ENPP3: variants seen among roughly 807,000 people sequenced by gnomAD.
ENPP3 encodes ectonucleotide pyrophosphatase/phosphodiesterase family member 3.
In ENPP3, 104 loss-of-function variants were observed where a neutral mutation model predicts 117.8. That is an observed-to-expected ratio of 0.88 (90% CI 0.75 to 1.04). The LOEUF is 1.04. Among genes scored for constraint, ENPP3 ranks in the 50% least tolerant of loss-of-function variants. ENPP3 has a pLI of 0.00. For missense variants in ENPP3, 1,026 were observed against 1,051.9 expected, an observed-to-expected ratio of 0.98 and a Z score of 0.34; for synonymous variants, 380 against 349.9, an observed-to-expected ratio of 1.09 and a Z score of -0.96.
intron 16 of ENPP3, among the ~76,000 whole-genome samples, chr6:131,719,632 A>G (rs1779972712): frequency 6.6e-6 from 1 of 152,164 alleles, no homozygotes; most frequent in Non-Finnish European, 1.5e-5. Flanking sequence ...TCATTGTCTT[A>G]ATATATGTAT....
intron 3 of ENPP3, among the ~76,000 whole-genome samples, chr6:131,652,125 T>A (rs1778276233): frequency 6.6e-6 from 1 of 152,252 alleles, no homozygotes; most frequent in East Asian, 1.9e-4. Flanking sequence ...CTCAAAGACA[T>A]GACTGTGCTC....
intron 6 of ENPP3, among the ~76,000 whole-genome samples, chr6:131,667,763 C>G (rs1778648431): frequency 6.6e-6 from 1 of 152,200 alleles, no homozygotes; most frequent in Non-Finnish European, 1.5e-5. Flanking sequence ...TTCTGGGTTT[C>G]TCACAAAGGG....
chr6:131,727,387 C>G (rs1780176266), intron 20 of ENPP3, among the ~76,000 whole-genome samples: 1 of 151,994 alleles, frequency 6.6e-6, no homozygotes, highest in Non-Finnish European at 1.5e-5. Context: ...GAAACCTCAT[C>G]TCTACTAAAA....
At chr6:131,724,237 A>AAAAAAAAAAAAAC in intron 19 of ENPP3, 146 bp downstream of exon 19, 1 of 610,956 alleles carries the variant, frequency 1.6e-6, no homozygotes, top group East Asian at 2.8e-5. Context: ...AAAAAAAAAA[A>AAAAAAAAAAAAAC]AACTCACAAC....
At chr6:131,675,449 A>T (rs1778846426) in intron 9 of ENPP3, 1 of 355,016 alleles carries the variant, frequency 2.8e-6, no homozygotes, top group Non-Finnish European at 5.2e-6. Context: ...TCTTGCCTGT[A>T]TTAACTGCAG....
chr6:131,736,431 G>A (rs1054544949), intron 21 of ENPP3, among the ~76,000 whole-genome samples: 3 of 152,190 alleles, frequency 2.0e-5, no homozygotes, highest in South Asian at 2.1e-4. Context: ...AAGAGACAGC[G>A]TGTGCAGGGG....
chr6:131,720,530 C>T (rs986022167), intron 17 of ENPP3, 151 bp downstream of exon 17: 5 of 494,336 alleles, frequency 1.0e-5, no homozygotes, highest in Non-Finnish European at 1.4e-5. Context: ...ATTCATTATT[C>T]AGAATTATTC....
chr6:131,692,236 G>A (rs1779296458), intron 14 of ENPP3, among the ~76,000 whole-genome samples: 1 of 151,900 alleles, frequency 6.6e-6, no homozygotes, highest in Non-Finnish European at 1.5e-5. Context: ...TGGTCATGAG[G>A]GAAAGTTCCT....
At chr6:131,727,890 G>A (rs1008500269) in intron 20 of ENPP3, among the ~76,000 whole-genome samples, 4 of 152,146 alleles carry the variant, frequency 2.6e-5, no homozygotes, top group Admixed American at 2.0e-4. Context: ...TTATGGAAAG[G>A]AAATAATTGA....
At chr6:131,682,983 C>G in intron 11 of ENPP3, 71 bp from the exon 12 acceptor site, 1 of 934,182 alleles carries the variant, frequency 1.1e-6, no homozygotes. Context: ...TTAATTTTTA[C>G]TTCATTAGAT....
In ENPP3 at chr6:131,725,054, C is replaced by CAA. The variant is rs34304450; in HGVS notation, c.1799-974_1799-973dup. Among the ~76,000 whole-genome samples the CAA allele has an allele frequency of 6.9e-5, 6 of 87,426 alleles. No individual in the cohort carries two copies. The East Asian group carries it at 8.4e-4, about 12-fold the overall frequency. The allele number at this position is 87,426 out of a possible 152,430, so 57.4% of individuals were successfully genotyped here. A position where few individuals can be genotyped will look rare whatever the true frequency, so the allele number is the denominator to read the frequency against. On this transcript the variant is annotated intron_variant, in intron 19 of 24. Coordinates refer to ENST00000357639, the MANE Select transcript of ENPP3 (RefSeq NM_005021.5). ...TGAAACCCCGTCTCTACTAAAAATA[C>CAA]AAAAAAAAAAAAAAAAAAATTAGTT...
chr6:131,671,853 A>G (rs894713977), intron 7 of ENPP3, among the ~76,000 whole-genome samples: 2 of 152,226 alleles, frequency 1.3e-5, no homozygotes, highest in Admixed American at 1.3e-4. Context: ...TGTAGGTAGA[A>G]TGATTAAAAT....
chr6:131,676,605 CT>C, intron 9 of ENPP3, 130 bp from the exon 10 acceptor site: 1 of 617,912 alleles, frequency 1.6e-6, no homozygotes, highest in Non-Finnish European at 2.9e-6. Flanking sequence ...TACTGAATAC[CT>C]TCCAGTATTG....
chr6:131,709,643 C>T (rs1303891694), intron 15 of ENPP3: 23 of 1,611,808 alleles, frequency 1.4e-5, no homozygotes, highest in East Asian at 2.2e-5. Context: ...CCTCTTTTCT[C>T]GTAGGAAATA....
rs891454014 is a variant in ENPP3, at chr6:131,741,033, T to TAC, written c.2457+667_2457+668dup. Among the ~76,000 whole-genome samples, 17 of 151,620 alleles carry TAC rather than the reference T, an allele frequency of 1.1e-4. No homozygotes were observed. In the East Asian group the frequency reaches 2.1e-3, roughly 19 times the overall value. ...GAACCATGAGGTGTGAAATTGATTA[T>TAC]ACACACACACACACAAACACACACA... is the stretch of plus-strand genomic sequence containing the variant. On this transcript the variant is annotated intron_variant, in intron 24 of 24. Transcript: ENST00000357639.
intron 14 of ENPP3, among the ~76,000 whole-genome samples, chr6:131,692,992 A>G (rs1779318677): frequency 7.0e-6 from 1 of 143,128 alleles, no homozygotes; most frequent in Non-Finnish European, 1.5e-5. Flanking sequence ...ACAACTATAT[A>G]TGATACAGTT....
At chr6:131,666,910 C>A (rs1778628452) in intron 6 of ENPP3, among the ~76,000 whole-genome samples, 1 of 152,168 alleles carries the variant, frequency 6.6e-6, no homozygotes, top group Admixed American at 6.5e-5. Flanking sequence ...GCCCCTTAAA[C>A]CTTCATGCTA....
chr6:131,683,617 C>A (rs565062227), intron 12 of ENPP3, among the ~76,000 whole-genome samples: 1 of 152,044 alleles, frequency 6.6e-6, no homozygotes, highest in Non-Finnish European at 1.5e-5. Context: ...CCTCACATTT[C>A]TCTACTTGAG....
chr6:131,647,782 A>T (rs1289897302), intron 2 of ENPP3, among the ~76,000 whole-genome samples: 3 of 152,164 alleles, frequency 2.0e-5, no homozygotes, highest in Non-Finnish European at 4.4e-5. Flanking sequence ...CACTTTGTAG[A>T]TAGACTTTTC....
Sources: gnomAD v4.1 joint callset for allele counts (sites outside exome capture counted in the v4.1 genomes callset) on GRCh38, gnomAD v4.1.1 for gene constraint, MANE v1.5 for transcripts, NCBI Gene and HGNC (gene_info 2026-07-23, HGNC 2026-07-21) for gene names.